Variants in ASMT observed in about 807,000 individuals in gnomAD.
ASMT encodes acetylserotonin N-methyltransferase.
A neutral mutation model predicts 41.3 loss-of-function variants in ASMT; 53 were observed. That is an observed-to-expected ratio of 1.28 (90% CI 1.03 to 1.61). The LOEUF (loss-of-function observed/expected upper bound fraction) is 1.61, where lower values mean the gene tolerates loss of function less well. ASMT is among the 40% of genes most tolerant of loss of function. ASMT has a pLI of 0.00. For missense variants in ASMT, 531 were observed against 441.3 expected (o/e 1.20, Z -1.82); for synonymous variants, 231 against 184.8 (o/e 1.25, Z -2.03).
rs1352325890 is a variant in ASMT, at chrX:1,625,731, G to A, written c.374+1333G>A. Reference sequence around the variant, plus strand: ...GCACTTTGGGAGGCTGAGGCGGGCGGATCACGAGGTCAGGAGATCGAGACC... The same window carrying A: ...GCACTTTGGGAGGCTGAGGCGGGCGAATCACGAGGTCAGGAGATCGAGACC... On this transcript the variant is annotated intron_variant, in intron 3 of 8. Coordinates refer to ENST00000381241, the MANE Select transcript of ASMT (RefSeq NM_001171038.2). Among the ~76,000 whole-genome samples the A allele has an allele frequency of 5.9e-5, 9 of 151,760 alleles. No homozygotes were observed. The South Asian group carries it at 8.3e-4, about 14-fold the overall frequency.
At chrX:1,618,626 G>T (rs1437028852) in intron 1 of ASMT, among the ~76,000 whole-genome samples, 1 of 146,862 alleles carries the variant, frequency 6.8e-6, no homozygotes, top group Non-Finnish European at 1.5e-5. Context: ...TGGTAGAGAC[G>T]GGGTTTCATC....
intron 8 of ASMT, among the ~76,000 whole-genome samples, chrX:1,640,437 G>A (rs1290861291): frequency 5.6e-5 from 2 of 35,424 alleles, no homozygotes; most frequent in African/African-American, 3.3e-4. Flanking sequence ...TGAGGATGTG[G>A]GCACAGCCTC....
At chrX:1,617,199 T>G (rs1348951413) in intron 1 of ASMT, among the ~76,000 whole-genome samples, 3 of 151,420 alleles carry the variant, frequency 2.0e-5, no homozygotes, top group Non-Finnish European at 2.9e-5. Flanking sequence ...CAGGGCGCGG[T>G]GGCTCATGCC....
intron 2 of ASMT, 77 bp downstream of exon 2, chrX:1,623,390 A>G (rs1308027000): frequency 1.3e-6 from 2 of 1,557,424 alleles, no homozygotes; most frequent in African/African-American, 2.7e-5. Flanking sequence ...AAAAAGTGAA[A>G]CAGTCTCCAT....
At chrX:1,636,190 C>G in intron 7 of ASMT, 1 of 548,214 alleles carries the variant, frequency 1.8e-6, no homozygotes, top group Non-Finnish European at 3.4e-6. Flanking sequence ...ATCTCCTGAC[C>G]TCGTGATCTG....
At position 1,615,279 on chromosome X, in the gene ASMT, C is replaced by G. The variant is rs765906569; in HGVS notation, c.69+11C>G. ...TTCATGGTGTCCCAGGTAGGATACGCTCTGTGGGACAAGGGGGAATAGACT... is the reference window on the plus strand; with the variant it reads ...TTCATGGTGTCCCAGGTAGGATACGGTCTGTGGGACAAGGGGGAATAGACT... On this transcript the variant is annotated intron_variant, in intron 1 of 8. Coordinates refer to ENST00000381241, the MANE Select transcript of ASMT (RefSeq NM_001171038.2). 6 of 1,584,738 alleles carry G rather than the reference C, an allele frequency of 3.8e-6. No individual in the cohort carries two copies. The highest frequency in any genetic ancestry group is 2.3e-5 in the South Asian group (2 of 86,740).
chrX:1,633,352 G>A (rs1234864448), intron 7 of ASMT, 62 bp downstream of exon 7: 6 of 1,604,432 alleles, frequency 3.7e-6, no homozygotes, highest in African/African-American at 2.7e-5. Flanking sequence ...GGGACTGGAT[G>A]TTTCTGGGAA....
At chrX:1,629,761 C>G in intron 4 of ASMT, 60 bp from the exon 5 acceptor site, 1 of 1,507,458 alleles carries the variant, frequency 6.6e-7, no homozygotes, top group Non-Finnish European at 9.2e-7. Context: ...TATGTACACC[C>G]TTGCTCTGGG....
chrX:1,617,295 C>T (rs1400515856), intron 1 of ASMT, among the ~76,000 whole-genome samples: 6 of 151,642 alleles, frequency 4.0e-5, no homozygotes, highest in Admixed American at 3.9e-4. Context: ...CATGGTGAAA[C>T]CCCGTCTCTA....
rs1310481163 is a variant in ASMT at position 1,625,954 on chromosome X, CAAAA to C, written c.374+1572_374+1575del. ...TGGGCGACAGAGCGAGACTCCATCT[CAAAA>C]AAAAAAAAAAAAAAATAGGGGTGTC... On this transcript the variant is annotated intron_variant, in intron 3 of 8. Coordinates refer to ENST00000381241, the MANE Select transcript of ASMT (RefSeq NM_001171038.2). 3.5e-3 allele frequency among the ~76,000 whole-genome samples: 352 copies of C among 99,234 alleles called. 4 individuals are homozygous for C. Among genetic ancestry groups the C allele is most frequent in the African/African-American group, 0.013 (332 of 26,082 alleles). The allele number at this position is 99,234 out of a possible 152,430, so 65.1% of individuals were successfully genotyped here.
chrX:1,630,787 G>A (rs1331317633), intron 5 of ASMT, among the ~76,000 whole-genome samples: 1 of 151,390 alleles, frequency 6.6e-6, no homozygotes, highest in Non-Finnish European at 1.5e-5. Context: ...CAGACTCCTG[G>A]GCTCATGCAA....
At chrX:1,624,066 A>G in intron 2 of ASMT, 1 of 187,678 alleles carries the variant, frequency 5.3e-6, no homozygotes, top group African/African-American at 2.4e-5. Flanking sequence ...ACCGAACCCG[A>G]CGGGGGTGCT....
chrX:1,620,682 C>T (rs190012998), intron 1 of ASMT, among the ~76,000 whole-genome samples: 1 of 151,998 alleles, frequency 6.6e-6, no homozygotes, highest in East Asian at 1.9e-4. Context: ...AGGCAGATCA[C>T]GAGGTCAGGA....
chrX:1,634,318 C>T (rs1388008864), intron 7 of ASMT, among the ~76,000 whole-genome samples: 1 of 152,142 alleles, frequency 6.6e-6, no homozygotes, highest in Non-Finnish European at 1.5e-5. Context: ...GCAATCAATT[C>T]CCCCAACAAC....
At chrX:1,617,454 G>A (rs1391598399) in intron 1 of ASMT, among the ~76,000 whole-genome samples, 6 of 151,714 alleles carry the variant, frequency 4.0e-5, no homozygotes, top group Admixed American at 1.3e-4. Context: ...CCTGGGTGTC[G>A]CAGTGAGACT....
chrX:1,627,956 A>AG (rs1165329492), intron 4 of ASMT, 185 bp downstream of exon 4: 1 of 674,156 alleles, frequency 1.5e-6, no homozygotes, highest in African/African-American at 1.8e-5. Flanking sequence ...TAAATTGATC[A>AG]AATTCCTGAG....
chrX:1,634,826 T>C (rs1241001842), intron 7 of ASMT, among the ~76,000 whole-genome samples: 2 of 151,832 alleles, frequency 1.3e-5, no homozygotes, highest in Non-Finnish European at 2.9e-5. Flanking sequence ...TCACCATGCC[T>C]GGCTAATTTT....
At chrX:1,623,914 G>T (rs1400544338) in intron 2 of ASMT, among the ~76,000 whole-genome samples, 4 of 152,072 alleles carry the variant, frequency 2.6e-5, no homozygotes, top group African/African-American at 9.7e-5. Flanking sequence ...CTCCCTAAGC[G>T]CTGAGATTAC....
intron 1 of ASMT, among the ~76,000 whole-genome samples, chrX:1,616,841 T>C (rs1934141635): frequency 2.0e-5 from 3 of 151,382 alleles, no homozygotes; most frequent in South Asian, 2.1e-4. Context: ...CCCGAGTAGC[T>C]GGGATTACAG....
Sources: gnomAD v4.1 joint callset for allele counts (sites outside exome capture counted in the v4.1 genomes callset) on GRCh38, gnomAD v4.1.1 for gene constraint, MANE v1.5 for transcripts, NCBI Gene and HGNC (gene_info 2026-07-23, HGNC 2026-07-21) for gene names.